Variants in APBB2 observed in about 807,000 individuals in gnomAD.
The protein encoded by APBB2 is amyloid beta precursor protein binding family B member 2, also known as Fe65-like 1.
Under a neutral mutation model 82.5 loss-of-function variants are expected in APBB2, and 38 were observed. The observed-to-expected ratio is 0.46, with a 90% CI of 0.36 to 0.60. The LOEUF is 0.60. Among genes scored for constraint, APBB2 ranks in the 20% least tolerant of loss-of-function variants. The pLI is 0.00. For synonymous variants in APBB2, 341 were observed against 368.2 expected, an observed-to-expected ratio of 0.93 and a Z score of 0.85; for missense variants, 772 against 972.3, an observed-to-expected ratio of 0.79 and a Z score of 2.74.
At chr4:40,829,696 T>TG (rs1196399652) in intron 13 of APBB2, among the ~76,000 whole-genome samples, 1 of 144,394 alleles carries the variant, frequency 6.9e-6, no homozygotes, top group Non-Finnish European at 1.5e-5. Flanking sequence ...GGGCAGAGGG[T>TG]GGGGGGATGT....
At chr4:41,113,282 A>C (rs1422244745) in intron 2 of APBB2, among the ~76,000 whole-genome samples, 1 of 152,168 alleles carries the variant, frequency 6.6e-6, no homozygotes, top group Non-Finnish European at 1.5e-5. Context: ...TTGGTGTTAG[A>C]TAGGGATATC....
At chr4:40,977,311 T>C (rs1797405557) in intron 6 of APBB2, among the ~76,000 whole-genome samples, 1 of 138,700 alleles carries the variant, frequency 7.2e-6, no homozygotes, top group East Asian at 2.3e-4. Context: ...ATGAATTCAA[T>C]ATAGTTGTTT....
At chr4:40,823,195 C>T (rs567976668) in intron 16 of APBB2, among the ~76,000 whole-genome samples, 15 of 152,172 alleles carry the variant, frequency 9.9e-5, no homozygotes, top group Non-Finnish European at 2.2e-4. Context: ...TCTTCAACCA[C>T]GAAACTGAGA....
At chr4:41,003,765 T>C (rs908500504) in intron 6 of APBB2, among the ~76,000 whole-genome samples, 1 of 152,188 alleles carries the variant, frequency 6.6e-6, no homozygotes, top group African/African-American at 2.4e-5. Flanking sequence ...CAGGCTGGAG[T>C]GCAGTGGCAT....
chr4:40,950,031 C>A (rs771000721), intron 6 of APBB2, among the ~76,000 whole-genome samples: 6 of 152,274 alleles, frequency 3.9e-5, no homozygotes, highest in Non-Finnish European at 5.9e-5. Flanking sequence ...GACTGGAATT[C>A]GGACCAACTG....
intron 6 of APBB2, among the ~76,000 whole-genome samples, chr4:40,969,378 C>A: frequency 1.3e-5 from 2 of 152,094 alleles, no homozygotes; most frequent in East Asian, 1.9e-4. Context: ...CTGTATGTAC[C>A]ACATTCATGA....
chr4:40,882,024 A>AGACCATAT (rs558841520), intron 12 of APBB2, among the ~76,000 whole-genome samples: 432 of 152,312 alleles, frequency 2.8e-3, no homozygotes, highest in Non-Finnish European at 4.3e-3. Flanking sequence ...TATGGTGGAC[A>AGACCATAT]GACTGCGCTG....
chr4:41,096,797 C>T (rs925735531), intron 3 of APBB2, among the ~76,000 whole-genome samples: 2 of 152,176 alleles, frequency 1.3e-5, no homozygotes, highest in African/African-American at 4.8e-5. Flanking sequence ...AAGAATATAA[C>T]GTCCATTCCA....
chr4:40,934,594 C>T lies in APBB2; in HGVS notation c.1193+20G>A, dbSNP rs1484750586. On this transcript the variant is annotated intron_variant, in intron 9 of 17. Transcript: ENST00000508593. The stretch of plus-strand genomic sequence containing the variant: ...ACAAAGCCATACATTGACAGCAGGT[C>T]GATCCTACTAATGTCCTACCTGAGT... The T allele has an allele frequency of 4.3e-6, 7 of 1,610,862 alleles. No homozygotes were observed. The East Asian group carries it at 8.9e-5, about 21-fold the overall frequency.
intron 12 of APBB2, among the ~76,000 whole-genome samples, chr4:40,851,739 T>TATATATA (rs57639176): frequency 2.5e-3 from 87 of 34,774 alleles, no homozygotes; most frequent in Middle Eastern, 0.012. Flanking sequence ...TATATATATA[T>TATATATA]TTTTTTTTTT....
At chr4:41,028,353 A>G (rs1171016714) in intron 5 of APBB2, among the ~76,000 whole-genome samples, 3 of 152,266 alleles carry the variant, frequency 2.0e-5, no homozygotes, top group Non-Finnish European at 2.9e-5. Context: ...GCAAATCCCC[A>G]GGGCTCTAGT....
At chr4:41,048,115 G>A (rs368801022) in intron 4 of APBB2, among the ~76,000 whole-genome samples, 10 of 152,298 alleles carry the variant, frequency 6.6e-5, no homozygotes, top group African/African-American at 1.7e-4. Flanking sequence ...TGGCCTAGAA[G>A]ACATTTGGCA....
intron 10 of APBB2, among the ~76,000 whole-genome samples, chr4:40,933,680 C>G (rs978547076): frequency 2.6e-5 from 4 of 152,218 alleles, no homozygotes; most frequent in Non-Finnish European, 5.9e-5. Flanking sequence ...GGAGGTCTGG[C>G]AGGGCCTGAG....
rs1343321380 is a variant in APBB2 at position 40,980,505 on chromosome 4, C to A, written c.835+33078G>T. On this transcript the variant is annotated intron_variant, in intron 6 of 17. Transcript: ENST00000508593. ...GAAAAGGAAGAATGCCCACACAGGACCCACGAGGGGGCACTGCAGAGCCAA... is the reference window on the plus strand; with the variant it reads ...GAAAAGGAAGAATGCCCACACAGGAACCACGAGGGGGCACTGCAGAGCCAA... Among the ~76,000 whole-genome samples, 4 of 152,080 alleles carry A rather than the reference C, an allele frequency of 2.6e-5. No individual in the cohort carries two copies. The East Asian group carries it at 5.8e-4, about 22-fold the overall frequency.
At chr4:41,154,302 C>T (rs1051754911) in intron 1 of APBB2, among the ~76,000 whole-genome samples, 1 of 152,124 alleles carries the variant, frequency 6.6e-6, no homozygotes, top group African/African-American at 2.4e-5. Flanking sequence ...CCATTATACC[C>T]GCTTCTACTA....
chr4:41,074,552 C>T (rs368227667), intron 3 of APBB2, among the ~76,000 whole-genome samples: 3 of 151,794 alleles, frequency 2.0e-5, no homozygotes, highest in African/African-American at 4.8e-5. Context: ...GAACATGAGG[C>T]GTCTGAAACA....
intron 10 of APBB2, among the ~76,000 whole-genome samples, chr4:40,926,078 T>A (rs138812558): frequency 5.9e-5 from 9 of 152,292 alleles, no homozygotes; most frequent in Admixed American, 3.3e-4. Flanking sequence ...TGGTTGCAAA[T>A]GGCCATAAAA....
chr4:40,894,972 A>G (rs944271337), intron 10 of APBB2, among the ~76,000 whole-genome samples: 2 of 152,192 alleles, frequency 1.3e-5, no homozygotes, highest in African/African-American at 4.8e-5. Flanking sequence ...AAAGGCAGAC[A>G]TGGAGCCATC....
intron 17 of APBB2, among the ~76,000 whole-genome samples, chr4:40,821,279 A>G (rs1400981380): frequency 6.6e-5 from 10 of 152,248 alleles, no homozygotes; most frequent in Non-Finnish European, 5.9e-5. Flanking sequence ...TCCATGTGGT[A>G]TAAAGAGCTC....
Sources: allele counts gnomAD v4.1 joint callset (sites outside exome capture counted in the v4.1 genomes callset), GRCh38; gene constraint gnomAD v4.1.1; transcripts MANE v1.5; gene names NCBI Gene and HGNC (gene_info 2026-07-23, HGNC 2026-07-21).